Variants in SEC16B observed in about 807,000 individuals in gnomAD.
SEC16B encodes the protein SEC16 homolog B, endoplasmic reticulum export factor.
SEC16B carries 115 observed loss-of-function variants against 141.8 expected under a neutral mutation model. The observed-to-expected ratio is 0.81, with a 90% confidence interval of 0.70 to 0.95. SEC16B has a LOEUF of 0.95. Among genes scored for constraint, SEC16B ranks in the 40% least tolerant of loss-of-function variants. SEC16B has a pLI of 0.00. For missense variants in SEC16B, 1,291 were observed against 1,312.3 expected (o/e 0.98, Z 0.25); for synonymous variants, 493 against 492.5 (o/e 1.00, Z -0.01).
At chr1:177,944,435 G>A in intron 15 of SEC16B, 126 bp downstream of exon 15, 1 of 714,660 alleles carries the variant, frequency 1.4e-6, no homozygotes, top group Non-Finnish European at 2.5e-6. Context: ...CCACGCTTAA[G>A]CTAATGAGGA....
chr1:177,949,854 A>G (rs1652033848), intron 12 of SEC16B, among the ~76,000 whole-genome samples: 1 of 151,666 alleles, frequency 6.6e-6, no homozygotes, highest in African/African-American at 2.4e-5. Context: ...GTGCTGGGAA[A>G]CTCCCTAAGA....
At position 177,960,338 on chromosome 1, in the gene SEC16B, A is replaced by G; in HGVS notation, c.998+4T>C. 5 of 1,587,564 alleles carry G rather than the reference A, an allele frequency of 3.1e-6. No individual in the cohort carries two copies. The highest frequency in any genetic ancestry group is 4.3e-6 in the Non-Finnish European group (5 of 1,158,276). The stretch of plus-strand genomic sequence containing the variant: ...CTTACTCAGCAGCTCTTACAGCACT[A>G]TACCTAATCAAGGGTCCTGAGAAAC... On this transcript the variant is annotated splice_donor_region_variant and intron_variant, in intron 8 of 25. Coordinates refer to ENST00000308284, the MANE Select transcript of SEC16B (RefSeq NM_033127.4).
chr1:177,933,529 A>G lies in SEC16B; in HGVS notation c.2679T>C (p.Asn893=), dbSNP rs758555753. ...CTCCGAGCTTGCCTCTCTGGGCAGT[A>G]TTTCGGGGAGAGTTTTTATCAGCCT... The part of the protein sequence containing the change: ...SDEADKNSPR[N]TAQRGKLGDG... Residue 893 remains asparagine, a synonymous_variant, in exon 21 of 26, where the codon AAT becomes AAC. Coordinates refer to ENST00000308284, the MANE Select transcript of SEC16B (RefSeq NM_033127.4). The G allele has an allele frequency of 6.2e-7, 1 of 1,613,842 alleles. No individual in the cohort carries two copies. Among genetic ancestry groups the G allele is most frequent in the East Asian group, 2.2e-5 (1 of 44,880 alleles).
intron 21 of SEC16B, 80 bp downstream of exon 21, chr1:177,933,404 G>C: frequency 6.4e-7 from 1 of 1,568,654 alleles, no homozygotes; most frequent in Non-Finnish European, 8.7e-7. Flanking sequence ...TCAGAGCCCA[G>C]ACTTCCAAGT....
At chr1:177,960,714 G>A (rs1652991018) in intron 7 of SEC16B, 77 bp downstream of exon 7, 3 of 1,464,502 alleles carry the variant, frequency 2.0e-6, no homozygotes, top group Non-Finnish European at 2.7e-6. Flanking sequence ...CTCAGGCACA[G>A]GAAAGCAAGG....
At chr1:177,944,762 G>A (rs1651551243) in intron 14 of SEC16B, 96 bp from the exon 15 acceptor site, 3 of 1,011,606 alleles carry the variant, frequency 3.0e-6, no homozygotes, top group Admixed American at 2.0e-5. Flanking sequence ...AGCCTTTCAT[G>A]GGGGAGTTTC....
upstream of SEC16B, among the ~76,000 whole-genome samples, chr1:177,974,148 T>C (rs184589188): frequency 2.4e-4 from 37 of 152,106 alleles, no homozygotes; most frequent in Non-Finnish European, 5.4e-4. Context: ...TGGCTAATAA[T>C]CTTAGAAGAG....
chr1:177,946,308 G>A (rs754602448), intron 14 of SEC16B, 112 bp downstream of exon 14: 24 of 817,980 alleles, frequency 2.9e-5, no homozygotes, highest in African/African-American at 2.7e-4. Flanking sequence ...GGGAGCCGGC[G>A]GTAGCTGAAA....
At chr1:177,936,396 T>C in intron 19 of SEC16B, 31 bp from the exon 20 acceptor site, 1 of 1,570,248 alleles carries the variant, frequency 6.4e-7, no homozygotes, top group African/African-American at 1.3e-5. Context: ...GAAATAGCAA[T>C]TGGAAGTTGT....
chr1:177,965,833 C>A, intron 3 of SEC16B, 60 bp downstream of exon 3: 1 of 1,050,462 alleles, frequency 9.5e-7, no homozygotes, highest in Non-Finnish European at 1.4e-6. Flanking sequence ...CTCTCCCCTG[C>A]CTCTCAGACC....
At chr1:177,963,025 T>C (rs1417281496) in intron 5 of SEC16B, among the ~76,000 whole-genome samples, 1 of 151,320 alleles carries the variant, frequency 6.6e-6, no homozygotes, top group Non-Finnish European at 1.5e-5. Context: ...GGAGGATCAC[T>C]TGAACCAGGG....
chr1:177,939,685 T>C lies in SEC16B; in HGVS notation c.2203+17A>G. On this transcript the variant is annotated intron_variant, in intron 18 of 25. Transcript: ENST00000308284. ...GAGCGTCAGCTATGTATATGCTCAG[T>C]TCATCATTTTGGGTACCTGTTGTTG... 1 of 1,562,832 alleles carries C rather than the reference T, an allele frequency of 6.4e-7. No homozygotes were observed. Among genetic ancestry groups the C allele is most frequent in the Non-Finnish European group, 8.7e-7 (1 of 1,145,760 alleles).
chr1:177,947,134 C>T (rs754589754), intron 13 of SEC16B, among the ~76,000 whole-genome samples: 5 of 152,158 alleles, frequency 3.3e-5, no homozygotes, highest in Non-Finnish European at 5.9e-5. Context: ...TTGGCACAAC[C>T]TAACCCATAG....
chr1:177,967,250 G>A (rs1180961421), intron 2 of SEC16B, among the ~76,000 whole-genome samples: 1 of 152,184 alleles, frequency 6.6e-6, no homozygotes, highest in Non-Finnish European at 1.5e-5. Context: ...GGTGCTGGTA[G>A]TGTCATGCTA....
In SEC16B at chr1:177,937,194, C is replaced by T; in HGVS notation, c.2503+20G>A. On this transcript the variant is annotated intron_variant, in intron 19 of 25. Coordinates refer to ENST00000308284, the MANE Select transcript of SEC16B (RefSeq NM_033127.4). ...CCAGACCCTACATTCAATGTGGCCA[C>T]CCTAGCGGCCAGGTCTTACCAGGGC... 3 of 1,588,316 alleles carry T rather than the reference C, an allele frequency of 1.9e-6. No individual in the cohort carries two copies. Among genetic ancestry groups the T allele is most frequent in the Middle Eastern group, 1.9e-4 (1 of 5,134 alleles).
At chr1:177,960,960 A>C in intron 6 of SEC16B, 21 bp from the exon 7 acceptor site, 1 of 1,536,724 alleles carries the variant, frequency 6.5e-7, no homozygotes. Context: ...ACAGACACAG[A>C]TGGACATTGT....
chr1:177,975,110 T>C (rs1654117290), upstream of SEC16B, among the ~76,000 whole-genome samples: 1 of 152,200 alleles, frequency 6.6e-6, no homozygotes, highest in African/African-American at 2.4e-5. Context: ...CGGTTTGGAA[T>C]GGCCAGTGTG....
intron 21 of SEC16B, 49 bp from the exon 22 acceptor site, chr1:177,933,361 C>T (rs1436935234): frequency 6.4e-7 from 1 of 1,561,424 alleles, no homozygotes. Flanking sequence ...GCTTCTTCCC[C>T]AACTATGAGG....
At chr1:177,945,123 G>T (rs1209090541) in intron 14 of SEC16B, among the ~76,000 whole-genome samples, 2 of 152,206 alleles carry the variant, frequency 1.3e-5, no homozygotes. Flanking sequence ...CGGGAGCACT[G>T]AGACCAAAAG....
Sources: allele counts gnomAD v4.1 joint callset (sites outside exome capture counted in the v4.1 genomes callset), GRCh38; gene constraint gnomAD v4.1.1; transcripts MANE v1.5; gene names NCBI Gene and HGNC (gene_info 2026-07-23, HGNC 2026-07-21).